The following ASIC2 variants were observed in gnomAD, a reference collection of about 807,000 sequenced individuals.
ASIC2 encodes acid-sensing ion channel 2.
In ASIC2, 25 loss-of-function variants were observed where a neutral mutation model predicts 57.3. The ratio of observed to expected loss-of-function variants is 0.44; its 90% CI spans 0.32 to 0.61. The LOEUF (loss-of-function observed/expected upper bound fraction) is 0.61. Among genes scored for constraint, ASIC2 ranks in the 20% least tolerant of loss-of-function variants. The pLI, the probability that ASIC2 is intolerant of heterozygous loss-of-function variation, is 0.06. For synonymous variants in ASIC2, 319 were observed against 307.5 expected, an observed-to-expected ratio of 1.04 and a Z score of -0.39; for missense variants, 641 against 738.1, an observed-to-expected ratio of 0.87 and a Z score of 1.52.
In ASIC2 at chr17:33,021,210, C is replaced by T. The variant is rs771942234; in HGVS notation, c.1441+9G>A. The T allele has an allele frequency of 4.9e-5, 67 of 1,363,018 alleles. 6 individuals carry two copies. In the Middle Eastern group the frequency reaches 9.3e-3, roughly 189 times the overall value. 84.4% of individuals were successfully genotyped at this position (1,363,018 alleles called of 1,614,324 possible). On this transcript the variant is annotated intron_variant, in intron 7 of 9. Transcript: ENST00000225823. Reference sequence around the variant, plus strand: ...GATGTGGAAATTTGTGCAATAGACACTGACTTACCAAGTAAGGCAGCAACT... The same window carrying T: ...GATGTGGAAATTTGTGCAATAGACATTGACTTACCAAGTAAGGCAGCAACT...
chr17:33,890,384 A>G (rs1365668600), intron 1 of ASIC2, among the ~76,000 whole-genome samples: 2 of 152,208 alleles, frequency 1.3e-5, no homozygotes, highest in Non-Finnish European at 2.9e-5. Context: ...AAGCCTTTGC[A>G]TGTCTTCTAT....
At chr17:33,856,240 T>C (rs1913924334) in intron 1 of ASIC2, among the ~76,000 whole-genome samples, 1 of 152,138 alleles carries the variant, frequency 6.6e-6, no homozygotes, top group South Asian at 2.1e-4. Context: ...ATCTGTACAA[T>C]AGGAAAAAGC....
chr17:33,775,324 T>C (rs1009899721), intron 1 of ASIC2, among the ~76,000 whole-genome samples: 7 of 152,210 alleles, frequency 4.6e-5, no homozygotes, highest in Non-Finnish European at 1.0e-4. Flanking sequence ...ATATTCTGAC[T>C]CCCAGGCACA....
intron 1 of ASIC2, among the ~76,000 whole-genome samples, chr17:33,741,744 G>A (rs562598021): frequency 6.6e-6 from 1 of 152,290 alleles, no homozygotes; most frequent in South Asian, 2.1e-4. Flanking sequence ...TAATCACCAT[G>A]AGCCCAGCCC....
intron 1 of ASIC2, among the ~76,000 whole-genome samples, chr17:33,753,610 G>T (rs1567706841): frequency 6.6e-6 from 1 of 152,348 alleles, no homozygotes; most frequent in Middle Eastern, 3.4e-3. Context: ...GGTGGAGGAA[G>T]ATTCATACAC....
intron 1 of ASIC2, among the ~76,000 whole-genome samples, chr17:33,451,878 C>T (rs1259565009): frequency 1.3e-5 from 2 of 152,196 alleles, no homozygotes; most frequent in Non-Finnish European, 2.9e-5. Context: ...TTTGTGTGCA[C>T]ATTTGTTGAC....
At chr17:33,997,351 G>A (rs1013859301) in intron 1 of ASIC2, among the ~76,000 whole-genome samples, 20 of 111,780 alleles carry the variant, frequency 1.8e-4, no homozygotes, top group Non-Finnish European at 1.7e-4. Context: ...ACAAGGTTTC[G>A]CCATGTTGCC....
At chr17:33,320,445 T>A (rs1364994280) in intron 1 of ASIC2, among the ~76,000 whole-genome samples, 1 of 152,134 alleles carries the variant, frequency 6.6e-6, no homozygotes, top group African/African-American at 2.4e-5. Flanking sequence ...GCCCACCCTC[T>A]GGTTCTATAG....
At chr17:33,077,231 C>T (rs1447273563) in intron 3 of ASIC2, among the ~76,000 whole-genome samples, 2 of 152,120 alleles carry the variant, frequency 1.3e-5, no homozygotes, top group Non-Finnish European at 2.9e-5. Context: ...ATTTTAAGAA[C>T]TCTGAGTACT....
chr17:34,066,561 C>T (rs758687550), intron 1 of ASIC2, among the ~76,000 whole-genome samples: 1 of 152,194 alleles, frequency 6.6e-6, no homozygotes, highest in Non-Finnish European at 1.5e-5. Flanking sequence ...GAAAGCCTTT[C>T]ACATGGCCTG....
At chr17:33,097,361 T>A (rs577203552) in intron 2 of ASIC2, among the ~76,000 whole-genome samples, 3 of 152,242 alleles carry the variant, frequency 2.0e-5, no homozygotes, top group South Asian at 4.1e-4. Flanking sequence ...TTACATTTCA[T>A]TTTATTTTTT....
At chr17:33,461,967 T>C (rs1020243558) in intron 1 of ASIC2, among the ~76,000 whole-genome samples, 10 of 152,266 alleles carry the variant, frequency 6.6e-5, no homozygotes, top group Non-Finnish European at 1.2e-4. Flanking sequence ...TGTGCCACTG[T>C]GTCAGGCACT....
At chr17:34,032,770 CA>C (rs1907673362) in intron 1 of ASIC2, among the ~76,000 whole-genome samples, 1 of 152,106 alleles carries the variant, frequency 6.6e-6, no homozygotes, top group African/African-American at 2.4e-5. Flanking sequence ...CAAAGAAGGC[CA>C]TTACATAAAG....
intron 1 of ASIC2, among the ~76,000 whole-genome samples, chr17:33,417,795 C>T (rs889020132): frequency 2.6e-5 from 4 of 152,130 alleles, no homozygotes; most frequent in Admixed American, 1.3e-4. Flanking sequence ...GTTTTACTAA[C>T]GAGGAAGTCC....
At chr17:33,219,641 G>T (rs1907622954) in intron 1 of ASIC2, among the ~76,000 whole-genome samples, 1 of 152,144 alleles carries the variant, frequency 6.6e-6, no homozygotes, top group Non-Finnish European at 1.5e-5. Flanking sequence ...TGTCCTGCGG[G>T]ACTCTGGGGT....
At chr17:33,636,068 G>A (rs1297081557) in intron 1 of ASIC2, among the ~76,000 whole-genome samples, 6 of 152,198 alleles carry the variant, frequency 3.9e-5, no homozygotes, top group Non-Finnish European at 4.4e-5. Flanking sequence ...GCAAGTTGCA[G>A]AACAATATTG....
At chr17:33,892,111 A>T (rs1376355772) in intron 1 of ASIC2, among the ~76,000 whole-genome samples, 2 of 152,228 alleles carry the variant, frequency 1.3e-5, no homozygotes, top group Admixed American at 1.3e-4. Context: ...TACAACAGTG[A>T]ATAAACTCGG....
chr17:33,724,427 T>G (rs1909482777), intron 1 of ASIC2, among the ~76,000 whole-genome samples: 1 of 152,208 alleles, frequency 6.6e-6, no homozygotes, highest in African/African-American at 2.4e-5. Context: ...TGATTTTGTC[T>G]GCTGCGTGAA....
chr17:33,251,648 A>G (rs1908888593), intron 1 of ASIC2, among the ~76,000 whole-genome samples: 1 of 152,134 alleles, frequency 6.6e-6, no homozygotes, highest in South Asian at 2.1e-4. Context: ...CTTACAGTTT[A>G]TTTTAGTTAA....
Sources: allele counts gnomAD v4.1 joint callset (sites outside exome capture counted in the v4.1 genomes callset), GRCh38; gene constraint gnomAD v4.1.1; transcripts MANE v1.5; gene names NCBI Gene and HGNC (gene_info 2026-07-23, HGNC 2026-07-21).